WDR59: variants seen among roughly 807,000 people sequenced by gnomAD.
The protein encoded by WDR59 is GATOR2 complex protein WDR59.
A neutral mutation model predicts 131.2 loss-of-function variants in WDR59; 100 were observed. The observed-to-expected ratio is 0.76, with a 90% CI of 0.65 to 0.90. WDR59 has a LOEUF of 0.90. WDR59 is among the 40% of genes least tolerant of loss of function. WDR59 has a pLI of 0.00. For synonymous variants in WDR59, 601 were observed against 466.2 expected, an observed-to-expected ratio of 1.29 and a Z score of -3.72; for missense variants, 1,203 against 1,262.2, an observed-to-expected ratio of 0.95 and a Z score of 0.71.
At chr16:74,900,034 A>T (rs1011580441) in intron 18 of WDR59, among the ~76,000 whole-genome samples, 4 of 152,220 alleles carry the variant, frequency 2.6e-5, no homozygotes, top group African/African-American at 9.6e-5. Flanking sequence ...GCTGACATCA[A>T]CACAGTTCTG....
At position 74,874,123 on chromosome 16, in the gene WDR59, T is replaced by C; in HGVS notation, c.*86A>G. 8.3e-7 allele frequency: 1 copy of C among 1,198,338 alleles called. No individual in the cohort carries two copies. Among genetic ancestry groups the C allele is most frequent in the South Asian group, 1.5e-5 (1 of 68,278 alleles). 74.2% of individuals were successfully genotyped at this position (1,198,338 alleles called of 1,614,324 possible). On this transcript the variant is annotated 3_prime_UTR_variant, in exon 26 of 26. Transcript: ENST00000262144. ...CGGTCTCACTGGGGACGAACCCAGG[T>C]TCTGGAGCCTCTCCCCTGACAGACA...
Position 74,942,829 on chromosome 16 carries a change from G to A in WDR59, c.446-3C>T, listed in dbSNP as rs1339267144. ...CCATTTGACCTGGGAGGCACCCGCT[G>A]CAAAGAAAAATCAGGGAAGAAAGCT... On this transcript the variant is annotated splice_region_variant and splice_polypyrimidine_tract_variant and intron_variant, in intron 6 of 25. Transcript: ENST00000262144. 6.2e-7 allele frequency: 1 copy of A among 1,612,908 alleles called. No individual in the cohort carries two copies. Among genetic ancestry groups the A allele is most frequent in the Non-Finnish European group, 8.5e-7 (1 of 1,179,570 alleles).
At chr16:74,984,383 G>C (rs1234122723) in intron 1 of WDR59, among the ~76,000 whole-genome samples, 1 of 152,322 alleles carries the variant, frequency 6.6e-6, no homozygotes, top group South Asian at 2.1e-4. Flanking sequence ...AAACTGACGT[G>C]TACGGAGTGA....
rs928561315 is a variant in WDR59 at position 74,872,414 on chromosome 16, GC to G, written c.*1794del. ...GAAGTTGAAAATCATTCTGAAATTA[GC>G]CAGGCATGGTGGTGCACACCTGTAG... is the stretch of plus-strand genomic sequence containing the variant. On this transcript the variant is annotated 3_prime_UTR_variant, in exon 26 of 26. Transcript: ENST00000262144. The G allele has an allele frequency of 5.3e-5, 8 of 152,134 alleles. No homozygotes were observed. The highest frequency in any genetic ancestry group is 1.7e-4 in the African/African-American group (7 of 41,516). The allele number at this position is 152,134 out of a possible 1,614,324, so 9.4% of individuals were successfully genotyped here. A position where few individuals can be genotyped will look rare whatever the true frequency, so the allele number is the denominator to read the frequency against.
chr16:74,976,592 C>A (rs1188876658), intron 1 of WDR59, among the ~76,000 whole-genome samples: 1 of 151,972 alleles, frequency 6.6e-6, no homozygotes, highest in Non-Finnish European at 1.5e-5. Flanking sequence ...CAGGTGCCCA[C>A]CACCACACCT....
intron 18 of WDR59, among the ~76,000 whole-genome samples, chr16:74,900,292 A>T (rs1965491081): frequency 6.6e-6 from 1 of 152,140 alleles, no homozygotes; most frequent in African/African-American, 2.4e-5. Context: ...GACTATCTTC[A>T]GAGTGACACC....
chr16:74,876,537 A>G (rs1012134142), intron 25 of WDR59, among the ~76,000 whole-genome samples: 2 of 152,330 alleles, frequency 1.3e-5, no homozygotes, highest in East Asian at 3.9e-4. Flanking sequence ...GTCATCTCAC[A>G]GTATCATTAA....
intron 6 of WDR59, among the ~76,000 whole-genome samples, chr16:74,948,296 T>C (rs2032773741): frequency 6.6e-6 from 1 of 152,236 alleles, no homozygotes; most frequent in Non-Finnish European, 1.5e-5. Context: ...TATGAGGTCC[T>C]GCTCCACACC....
At chr16:74,974,942 G>C (rs2034127059) in intron 1 of WDR59, among the ~76,000 whole-genome samples, 1 of 152,092 alleles carries the variant, frequency 6.6e-6, no homozygotes, top group South Asian at 2.1e-4. Context: ...ATTCTGCATT[G>C]TGTCCTTTTG....
intron 18 of WDR59, among the ~76,000 whole-genome samples, chr16:74,903,321 T>G (rs768259718): frequency 1.6e-4 from 24 of 152,190 alleles, no homozygotes; most frequent in Non-Finnish European, 3.2e-4. Flanking sequence ...CACAGAAAGC[T>G]TTCTCTGCCA....
At chr16:74,976,725 G>T (rs1256061281) in intron 1 of WDR59, among the ~76,000 whole-genome samples, 1 of 152,166 alleles carries the variant, frequency 6.6e-6, no homozygotes, top group Non-Finnish European at 1.5e-5. Flanking sequence ...ACAGGTGTGA[G>T]CGACCAAGCC....
chr16:74,925,543 CAAA>C (rs35515333), intron 8 of WDR59, among the ~76,000 whole-genome samples: 2 of 105,004 alleles, frequency 1.9e-5, no homozygotes. Context: ...GACTCCATCT[CAAA>C]AAAAAAAAAA....
intron 25 of WDR59, among the ~76,000 whole-genome samples, chr16:74,879,770 G>C (rs372688651): frequency 5.3e-5 from 8 of 152,198 alleles, no homozygotes; most frequent in South Asian, 4.1e-4. Context: ...GAAAACCTTA[G>C]AACAATAACC....
At chr16:74,887,591 A>G (rs931548886) in intron 23 of WDR59, 92 bp downstream of exon 23, 35 of 1,207,570 alleles carry the variant, frequency 2.9e-5, no homozygotes, top group Non-Finnish European at 4.1e-5. Context: ...AATAAGAAAA[A>G]ATATGGAGAC....
intron 1 of WDR59, among the ~76,000 whole-genome samples, chr16:74,981,660 A>T (rs7194448): frequency 0.89 from 72,056 of 80,662 alleles, 31,874 homozygotes; most frequent in East Asian, 0.97. Context: ...ATATATATAT[A>T]TTTTTTTTTT....
At chr16:74,941,586 G>T (rs994930813) in intron 7 of WDR59, among the ~76,000 whole-genome samples, 2 of 151,568 alleles carry the variant, frequency 1.3e-5, no homozygotes, top group Admixed American at 1.3e-4. Context: ...CCCAGCTACT[G>T]GGGAGGCTGA....
intron 8 of WDR59, among the ~76,000 whole-genome samples, chr16:74,926,529 T>C (rs2030829969): frequency 6.6e-6 from 1 of 152,230 alleles, no homozygotes; most frequent in African/African-American, 2.4e-5. Context: ...GATAATGGCC[T>C]TTAATAATCA....
rs1193520781 is a variant in WDR59, at chr16:74,985,063, C to G, written c.-46G>C. The G allele has an allele frequency of 1.3e-6, 2 of 1,523,664 alleles. No homozygotes were observed. Among genetic ancestry groups the G allele is most frequent in the Non-Finnish European group, 1.8e-6 (2 of 1,122,170 alleles). 94.4% of individuals were successfully genotyped at this position (1,523,664 alleles called of 1,614,324 possible). A position where few individuals can be genotyped will look rare whatever the true frequency, so the allele number is the denominator to read the frequency against. On this transcript the variant is annotated 5_prime_UTR_variant, in exon 1 of 26. Transcript: ENST00000262144. ...GGCCCCAGGACGGCGCCCTCCCACCCCGCCGTCCCCAGTATCCCGGGACCG... is the reference window on the plus strand; with the variant it reads ...GGCCCCAGGACGGCGCCCTCCCACCGCGCCGTCCCCAGTATCCCGGGACCG...
chr16:74,874,892 G>GTTTTTTTTT (rs917317436), intron 25 of WDR59, among the ~76,000 whole-genome samples: 2 of 151,352 alleles, frequency 1.3e-5, no homozygotes, highest in African/African-American at 4.9e-5. Context: ...TGCCCAGCCT[G>GTTTTTTTTT]TTTTTTTTTG....
Sources: allele counts gnomAD v4.1 joint callset (sites outside exome capture counted in the v4.1 genomes callset), GRCh38; gene constraint gnomAD v4.1.1; transcripts MANE v1.5; gene names NCBI Gene and HGNC (gene_info 2026-07-23, HGNC 2026-07-21).